The following CLEC16A variants were observed in gnomAD, a reference collection of about 807,000 sequenced individuals.
CLEC16A encodes C-type lectin domain containing 16A, also known as protein CLEC16A.
CLEC16A carries 51 observed loss-of-function variants against 109.5 expected under a neutral mutation model. The observed-to-expected ratio is 0.47, with a 90% CI of 0.37 to 0.59. The LOEUF (loss-of-function observed/expected upper bound fraction) is 0.59. Among genes scored for constraint, CLEC16A ranks in the 20% least tolerant of loss-of-function variants. The pLI is 0.00. For synonymous variants in CLEC16A, 673 were observed against 564.2 expected (o/e 1.19, Z -2.73); for missense variants, 1,339 against 1,394.0 (o/e 0.96, Z 0.63).
intron 2 of CLEC16A, among the ~76,000 whole-genome samples, chr16:10,960,685 G>A (rs1030014957): frequency 6.6e-6 from 1 of 152,092 alleles, no homozygotes; most frequent in African/African-American, 2.4e-5. Context: ...TTCTAGAAGG[G>A]GGCAGTATCT....
intron 1 of CLEC16A, among the ~76,000 whole-genome samples, chr16:10,953,945 C>G (rs1049843741): frequency 6.7e-6 from 1 of 150,226 alleles, no homozygotes; most frequent in Non-Finnish European, 1.5e-5. Context: ...CCACTGCACT[C>G]CAGCCTGGGC....
intron 10 of CLEC16A, among the ~76,000 whole-genome samples, chr16:10,985,893 A>G (rs527590137): frequency 1.1e-3 from 171 of 151,508 alleles, no homozygotes; most frequent in Admixed American, 3.0e-3. Flanking sequence ...TTTAGTAGAA[A>G]TGGGCTTTCA....
At chr16:10,975,688 C>G (rs1178515033) in intron 7 of CLEC16A, among the ~76,000 whole-genome samples, 1 of 152,080 alleles carries the variant, frequency 6.6e-6, no homozygotes, top group East Asian at 1.9e-4. Context: ...TGCTCTGTCA[C>G]CCAGGCTGGA....
intron 19 of CLEC16A, among the ~76,000 whole-genome samples, chr16:11,069,379 T>C (rs1386035000): frequency 3.9e-5 from 6 of 152,032 alleles, no homozygotes; most frequent in Admixed American, 2.0e-4. Flanking sequence ...TCCACCCACC[T>C]TGGCCTCCCA....
intron 10 of CLEC16A, among the ~76,000 whole-genome samples, chr16:11,001,113 T>G (rs2044643909): frequency 6.6e-6 from 1 of 152,220 alleles, no homozygotes; most frequent in South Asian, 2.1e-4. Flanking sequence ...TATTTTCTTT[T>G]TTGAGACATC....
chr16:11,149,132 C>T (rs2054191233), intron 22 of CLEC16A, among the ~76,000 whole-genome samples: 1 of 152,188 alleles, frequency 6.6e-6, no homozygotes, highest in African/African-American at 2.4e-5. Flanking sequence ...AGGGGCCAGG[C>T]TTCACAGCCA....
At chr16:11,119,975 T>TTTTGC (rs894541170) in intron 19 of CLEC16A, among the ~76,000 whole-genome samples, 1 of 151,914 alleles carries the variant, frequency 6.6e-6, no homozygotes, top group Non-Finnish European at 1.5e-5. Flanking sequence ...TGTTGTTTTG[T>TTTTGC]TTTGTTTTGT....
chr16:11,011,773 C>T (rs2045431506), intron 11 of CLEC16A, among the ~76,000 whole-genome samples: 2 of 152,024 alleles, frequency 1.3e-5, no homozygotes, highest in African/African-American at 4.8e-5. Context: ...CGTACACACA[C>T]GTATTTTAGA....
intron 19 of CLEC16A, among the ~76,000 whole-genome samples, chr16:11,073,805 C>T (rs114554761): frequency 0.011 from 1,654 of 152,348 alleles, 27 homozygotes; most frequent in African/African-American, 0.037. Flanking sequence ...ACATAGTAGA[C>T]ACTCAAGGCT....
chr16:10,972,504 T>C, intron 5 of CLEC16A, 50 bp from the exon 6 acceptor site: 1 of 1,592,970 alleles, frequency 6.3e-7, no homozygotes, highest in Non-Finnish European at 8.6e-7. Flanking sequence ...TTAACTGTTG[T>C]CTGTTTTTTG....
At chr16:11,042,522 T>C (rs1235492361) in intron 15 of CLEC16A, among the ~76,000 whole-genome samples, 159 bp downstream of exon 15, 2 of 152,232 alleles carry the variant, frequency 1.3e-5, no homozygotes, top group African/African-American at 4.8e-5. Context: ...CACTCCAACC[T>C]ACTTATTCAG....
chr16:11,072,820 G>A (rs1278154808), intron 19 of CLEC16A, among the ~76,000 whole-genome samples: 1 of 152,164 alleles, frequency 6.6e-6, no homozygotes, highest in East Asian at 1.9e-4. Flanking sequence ...TCTCTTTGGA[G>A]GGTTCTTTGT....
intron 2 of CLEC16A, among the ~76,000 whole-genome samples, chr16:10,959,783 T>A (rs2042169893): frequency 3.3e-5 from 5 of 151,918 alleles, no homozygotes; most frequent in Admixed American, 3.3e-4. Context: ...AGAATGGACT[T>A]ATTTTTTTTT....
intron 22 of CLEC16A, among the ~76,000 whole-genome samples, chr16:11,127,432 G>A (rs2052903921): frequency 6.6e-6 from 1 of 152,200 alleles, no homozygotes; most frequent in Non-Finnish European, 1.5e-5. Flanking sequence ...AATTTCTCAT[G>A]TCTGTGTGAT....
At chr16:11,127,190 C>T (rs1181053785) in intron 22 of CLEC16A, among the ~76,000 whole-genome samples, 1 of 152,162 alleles carries the variant, frequency 6.6e-6, no homozygotes, top group African/African-American at 2.4e-5. Context: ...GTTTTTTACA[C>T]ATGGGGTATA....
chr16:11,099,272 G>C (rs888542865), intron 19 of CLEC16A, among the ~76,000 whole-genome samples: 1 of 152,218 alleles, frequency 6.6e-6, no homozygotes, highest in African/African-American at 2.4e-5. Context: ...CCACACAGTG[G>C]ACAGGGTCTC....
Position 11,026,360 on chromosome 16 carries a change from G to A in CLEC16A, c.1537+1439G>A, listed in dbSNP as rs956684941. 5.9e-5 allele frequency among the ~76,000 whole-genome samples: 9 copies of A among 152,250 alleles called. No homozygotes were observed. In the East Asian group the frequency reaches 1.3e-3, roughly 23 times the overall value. On this transcript the variant is annotated intron_variant, in intron 13 of 23. Coordinates refer to ENST00000409790, the MANE Select transcript of CLEC16A (RefSeq NM_015226.3). ...TAGGCATAGGGCTTTTTAAGGTTAC[G>A]TATTTCTTCTTGAGTGAGCTTTGGT...
chr16:11,156,702 G>A, intron 22 of CLEC16A: 1 of 1,292,424 alleles, frequency 7.7e-7, no homozygotes, highest in Non-Finnish European at 1.0e-6. Flanking sequence ...GTGGAAGAGG[G>A]CAGGGGCTGG....
chr16:11,151,177 A>G (rs892768638), intron 22 of CLEC16A, among the ~76,000 whole-genome samples: 1 of 152,236 alleles, frequency 6.6e-6, no homozygotes. Flanking sequence ...TATACTGGCC[A>G]CTTACGTTGT....
Sources: gnomAD v4.1 joint callset for allele counts (sites outside exome capture counted in the v4.1 genomes callset) on GRCh38, gnomAD v4.1.1 for gene constraint, MANE v1.5 for transcripts, NCBI Gene and HGNC (gene_info 2026-07-23, HGNC 2026-07-21) for gene names.